The following RAB33A variants were observed in gnomAD, a reference collection of about 807,000 sequenced individuals.
RAB33A encodes RAB33A, member RAS oncogene family, also known as ras-related protein Rab-33A.
Under a neutral mutation model 12.0 loss-of-function variants are expected in RAB33A, and 6 were observed. The ratio of observed to expected loss-of-function variants is 0.50; its 90% CI spans 0.27 to 0.99. The LOEUF is 0.99. Ranked by LOEUF, RAB33A falls within the 50% of genes least tolerant of loss-of-function variation. RAB33A has a pLI of 0.11. For synonymous variants in RAB33A, 70 were observed against 82.4 expected (o/e 0.85, Z 0.81); for missense variants, 109 against 192.0 (o/e 0.57, Z 2.55).
the RAB33A span, among the ~76,000 whole-genome samples, chrX:130,146,813 G>C: frequency 9.0e-6 from 1 of 111,726 alleles, no homozygotes; most frequent in Non-Finnish European, 1.9e-5. Context: ...GTCAAAGAGA[G>C]TGCCGTTAAA....
At chrX:130,133,284 G>A in the RAB33A span, 1 of 1,209,218 alleles carries the variant, frequency 8.3e-7, no homozygotes, top group Non-Finnish European at 1.1e-6. Flanking sequence ...GTTGTAATCA[G>A]TTGGGTCTCC....
chrX:130,161,514 A>AAG, the RAB33A span, among the ~76,000 whole-genome samples: 1 of 32,306 alleles, frequency 3.1e-5, no homozygotes, highest in Non-Finnish European at 5.1e-5. Flanking sequence ...CTGTTTGAAG[A>AAG]AAAAAAAAAA....
chrX:130,162,394 T>C, the RAB33A span, among the ~76,000 whole-genome samples: 3 of 112,029 alleles, frequency 2.7e-5, no homozygotes, highest in Non-Finnish European at 3.8e-5. Flanking sequence ...CCCAGAATTA[T>C]CTCCTGGAGA....
At chrX:130,153,387 C>CT in the RAB33A span, among the ~76,000 whole-genome samples, 6 of 103,451 alleles carry the variant, frequency 5.8e-5, no homozygotes, top group East Asian at 3.0e-4. Context: ...CGGCAGTTTA[C>CT]TCCCTTTTTT....
chrX:130,130,976 T>G, the RAB33A span, among the ~76,000 whole-genome samples: 1 of 112,667 alleles, frequency 8.9e-6, no homozygotes. Flanking sequence ...AGGACCTACA[T>G]ATCCATATAA....
chrX:130,112,289 C>T, the RAB33A span, among the ~76,000 whole-genome samples: 1 of 95,335 alleles, frequency 1.0e-5, no homozygotes, highest in African/African-American at 3.9e-5. Flanking sequence ...TGGAGACACA[C>T]AGTTCTCTGC....
At chrX:130,118,987 C>T in the RAB33A span, among the ~76,000 whole-genome samples, 2 of 111,552 alleles carry the variant, frequency 1.8e-5, no homozygotes, top group Non-Finnish European at 1.9e-5. Context: ...ATTTTTTCCT[C>T]GTCGCTGCCA....
the RAB33A span, among the ~76,000 whole-genome samples, chrX:130,116,166 C>T: frequency 4.1e-5 from 4 of 97,663 alleles, no homozygotes; most frequent in South Asian, 5.1e-4. Flanking sequence ...AATGCAATGG[C>T]GCGATCTCAG....
rs751294969 is a variant in RAB33A, at chrX:130,175,926, G to A, written c.258+3606G>A. ...AAACTGAGACTCAGAGAGGGAAAGTGACTTGCCCAAGATCACACAGGGCCA... is the reference window on the plus strand; with the variant it reads ...AAACTGAGACTCAGAGAGGGAAAGTAACTTGCCCAAGATCACACAGGGCCA... On this transcript the variant is annotated intron_variant, in intron 1 of 1. Transcript: ENST00000257017. 1.2e-3 allele frequency among the ~76,000 whole-genome samples: 129 copies of A among 111,871 alleles called. 1 individual carries two copies. The highest frequency in any genetic ancestry group is 4.2e-3 in the African/African-American group (128 of 30,778).
the RAB33A span, chrX:130,165,746 C>T: frequency 4.0e-6 from 3 of 755,608 alleles, no homozygotes; most frequent in East Asian, 3.5e-5. Context: ...CCAGCTCCCC[C>T]AGTCTCTTCA....
the RAB33A span, among the ~76,000 whole-genome samples, chrX:130,117,083 G>A: frequency 5.4e-5 from 6 of 111,476 alleles, no homozygotes; most frequent in East Asian, 2.8e-4. Context: ...GCGTGGTGGC[G>A]GGCTCCTGTA....
chrX:130,170,800 A>T (rs1289502672), upstream of RAB33A, among the ~76,000 whole-genome samples: 1 of 112,463 alleles, frequency 8.9e-6, no homozygotes, highest in African/African-American at 3.2e-5. Context: ...TTCTGGAGGG[A>T]CTTATGGTTA....
the RAB33A span, among the ~76,000 whole-genome samples, chrX:130,138,406 A>G: frequency 9.0e-6 from 1 of 110,705 alleles, no homozygotes; most frequent in Non-Finnish European, 1.9e-5. Context: ...CGGAGCTTGC[A>G]GTGAGCCGAG....
the RAB33A span, chrX:130,139,901 C>T: frequency 9.5e-6 from 11 of 1,156,268 alleles, no homozygotes; most frequent in African/African-American, 1.6e-4. Context: ...AACCCTTTAG[C>T]CCAACAAGCA....
At chrX:130,125,151 C>T in the RAB33A span, among the ~76,000 whole-genome samples, 1 of 111,880 alleles carries the variant, frequency 8.9e-6, no homozygotes, top group Non-Finnish European at 1.9e-5. Flanking sequence ...GAGTGCCAGG[C>T]CAGTTGGTAG....
chrX:130,134,169 G>A, the RAB33A span, among the ~76,000 whole-genome samples: 3 of 109,437 alleles, frequency 2.7e-5, no homozygotes, highest in Non-Finnish European at 5.7e-5. Flanking sequence ...CCCAGGAGGC[G>A]GAGGTTGCAG....
chrX:130,140,614 C>T, the RAB33A span: 2 of 1,195,238 alleles, frequency 1.7e-6, no homozygotes, highest in Admixed American at 4.3e-5. Flanking sequence ...TCCAGCTGTA[C>T]TACCTGGTAC....
the RAB33A span, chrX:130,133,542 A>G: frequency 5.6e-6 from 6 of 1,075,005 alleles, no homozygotes; most frequent in East Asian, 1.2e-4. Flanking sequence ...GGGCTCAAAG[A>G]ACACTTGTAA....
At chrX:130,132,460 A>G in the RAB33A span, among the ~76,000 whole-genome samples, 1 of 112,858 alleles carries the variant, frequency 8.9e-6, no homozygotes, top group Non-Finnish European at 1.9e-5. Flanking sequence ...TTGAAGCTTT[A>G]AAGAGTGTTC....
Sources: gnomAD v4.1 joint callset for allele counts (sites outside exome capture counted in the v4.1 genomes callset) on GRCh38, gnomAD v4.1.1 for gene constraint, MANE v1.5 for transcripts, NCBI Gene and HGNC (gene_info 2026-07-23, HGNC 2026-07-21) for gene names.